ZFAT: variants seen among roughly 807,000 people sequenced by gnomAD.
ZFAT encodes the protein zinc finger protein ZFAT.
A neutral mutation model predicts 117.7 loss-of-function variants in ZFAT; 64 were observed. The observed-to-expected ratio is 0.54, with a 90% CI of 0.44 to 0.67. The LOEUF (loss-of-function observed/expected upper bound fraction) is 0.67. Among genes scored for constraint, ZFAT ranks in the 30% least tolerant of loss-of-function variants. The pLI, the probability that ZFAT is intolerant of heterozygous loss-of-function variation, is 0.00. For missense variants in ZFAT, 1,433 were observed against 1,584.5 expected (o/e 0.90, Z 1.62); for synonymous variants, 679 against 615.0 (o/e 1.10, Z -1.54).
intron 1 of ZFAT, among the ~76,000 whole-genome samples, chr8:134,671,184 G>A (rs1305330277): frequency 1.3e-5 from 2 of 152,216 alleles, no homozygotes; most frequent in Non-Finnish European, 2.9e-5. Context: ...ACAAGGAGGA[G>A]CTGGTACCAT....
At chr8:134,496,781 C>T (rs539885048) in intron 15 of ZFAT, among the ~76,000 whole-genome samples, 6 of 152,262 alleles carry the variant, frequency 3.9e-5, no homozygotes, top group South Asian at 4.2e-4. Flanking sequence ...AGAACTGTGA[C>T]GGGGTGAGGG....
At chr8:134,815,113 A>G in the ZFAT span, among the ~76,000 whole-genome samples, 1 of 152,222 alleles carries the variant, frequency 6.6e-6, no homozygotes, top group Non-Finnish European at 1.5e-5. Flanking sequence ...ATCCTTGTTA[A>G]TATTAACTTA....
rs376160947 is a variant in ZFAT, at chr8:134,561,028, T to C, written c.2976+4305A>G. Among the ~76,000 whole-genome samples, 423 of 152,382 alleles carry C rather than the reference T, an allele frequency of 2.8e-3. 3 individuals carry two copies. Among genetic ancestry groups the C allele is most frequent in the African/African-American group, 9.7e-3 (403 of 41,580 alleles). The stretch of plus-strand genomic sequence containing the variant: ...GAAGAGAAAATAACATCTTTACTAT[T>C]TGTGAATTCTCAGATGTTTGATGGG... On this transcript the variant is annotated intron_variant, in intron 11 of 15. Coordinates refer to ENST00000377838, the MANE Select transcript of ZFAT (RefSeq NM_020863.4).
intron 12 of ZFAT, among the ~76,000 whole-genome samples, chr8:134,528,213 T>C (rs907354023): frequency 6.6e-6 from 1 of 152,272 alleles, no homozygotes; most frequent in Admixed American, 6.5e-5. Flanking sequence ...ACTTGCTTGC[T>C]TGGTGTGACC....
chr8:134,781,739 T>C, the ZFAT span, among the ~76,000 whole-genome samples: 3 of 152,232 alleles, frequency 2.0e-5, no homozygotes, highest in East Asian at 5.8e-4. Flanking sequence ...CTGAGACAGC[T>C]AGATCAACCC....
chr8:134,714,768 G>A (rs186801544), upstream of ZFAT, among the ~76,000 whole-genome samples: 265 of 152,080 alleles, frequency 1.7e-3, no homozygotes, highest in Admixed American at 4.8e-3. Flanking sequence ...GCAAAATAGT[G>A]AAGAGCCAGG....
the ZFAT span, among the ~76,000 whole-genome samples, chr8:134,801,588 G>A: frequency 6.6e-6 from 1 of 151,922 alleles, no homozygotes; most frequent in Non-Finnish European, 1.5e-5. Context: ...ATACCTCCCC[G>A]CCACCCCACT....
chr8:134,618,251 C>T (rs1828880195), intron 3 of ZFAT, among the ~76,000 whole-genome samples: 2 of 152,134 alleles, frequency 1.3e-5, no homozygotes. Context: ...GAGAAGGACA[C>T]TTTGCGACAC....
chr8:134,769,706 C>T, the ZFAT span, among the ~76,000 whole-genome samples: 2 of 152,220 alleles, frequency 1.3e-5, no homozygotes, highest in African/African-American at 4.8e-5. Flanking sequence ...CTCTTCTGCA[C>T]TGCCCTAGCA....
intron 11 of ZFAT, among the ~76,000 whole-genome samples, chr8:134,534,149 T>C (rs1054282661): frequency 6.6e-6 from 1 of 152,230 alleles, no homozygotes; most frequent in African/African-American, 2.4e-5. Context: ...TTAGCATGGA[T>C]CTTTTCATCA....
At chr8:134,590,767 C>G (rs1826437788) in intron 7 of ZFAT, among the ~76,000 whole-genome samples, 2 of 144,822 alleles carry the variant, frequency 1.4e-5, no homozygotes, top group Non-Finnish European at 3.0e-5. Flanking sequence ...ACAGTCATCA[C>G]CACCACCACA....
intron 2 of ZFAT, among the ~76,000 whole-genome samples, chr8:134,654,024 CG>C (rs1831441863): frequency 6.6e-6 from 1 of 152,102 alleles, no homozygotes; most frequent in Non-Finnish European, 1.5e-5. Flanking sequence ...GGGCCAGGCA[CG>C]GGGGCTCATG....
At chr8:134,823,628 A>G in the ZFAT span, among the ~76,000 whole-genome samples, 4 of 152,194 alleles carry the variant, frequency 2.6e-5, no homozygotes, top group African/African-American at 9.7e-5. Context: ...GTTTCATTCT[A>G]CCTTTAGAGT....
At chr8:134,502,938 G>A (rs1819103787) in intron 15 of ZFAT, among the ~76,000 whole-genome samples, 1 of 152,216 alleles carries the variant, frequency 6.6e-6, no homozygotes, top group Non-Finnish European at 1.5e-5. Flanking sequence ...ACCAACAAAA[G>A]AGAGGGGCAA....
At chr8:134,564,147 A>G (rs1342406608) in intron 11 of ZFAT, among the ~76,000 whole-genome samples, 2 of 142,872 alleles carry the variant, frequency 1.4e-5, no homozygotes, top group Non-Finnish European at 3.0e-5. Context: ...AGAGGAGCAG[A>G]GGAGTGAGAC....
chr8:134,537,124 TG>T (rs1388123340), intron 11 of ZFAT, among the ~76,000 whole-genome samples: 1 of 152,262 alleles, frequency 6.6e-6, no homozygotes, highest in African/African-American at 2.4e-5. Flanking sequence ...TAGCTCTAAA[TG>T]TTTTGCATGG....
At chr8:134,628,110 C>A (rs1829645090) in intron 3 of ZFAT, among the ~76,000 whole-genome samples, 1 of 152,166 alleles carries the variant, frequency 6.6e-6, no homozygotes, top group African/African-American at 2.4e-5. Flanking sequence ...TGAAGACCAG[C>A]AGGAATCACT....
chr8:134,639,800 G>A lies in ZFAT; in HGVS notation c.197-2088C>T, dbSNP rs532570642. 4.6e-4 allele frequency: 208 copies of A among 456,278 alleles called. 1 individual carries two copies. The highest frequency in any genetic ancestry group is 1.9e-3 in the South Asian group (123 of 64,572). 28.3% of individuals were successfully genotyped at this position (456,278 alleles called of 1,614,324 possible). On this transcript the variant is annotated intron_variant, in intron 2 of 15. Transcript: ENST00000377838. ...CTCGTGTCATGTCAGCTGAGTTCCA[G>A]AAACAGGGTGCCTAAGAGTTTACTG... is the stretch of plus-strand genomic sequence containing the variant.
rs1816986552 is a variant in ZFAT at position 134,477,823 on chromosome 8, C to T, written c.*659G>A. 6.6e-6 allele frequency: 1 copy of T among 152,206 alleles called. No homozygotes were observed. Among genetic ancestry groups the T allele is most frequent in the South Asian group, 2.1e-4 (1 of 4,826 alleles). The allele number at this position is 152,206 out of a possible 1,614,324, so 9.4% of individuals were successfully genotyped here. Reference sequence around the variant, plus strand: ...AACTGTTTTTATTCCAACCACCTCACCTCCTTAGAATGGGAGGCGAACAGT... The same window carrying T: ...AACTGTTTTTATTCCAACCACCTCATCTCCTTAGAATGGGAGGCGAACAGT... On this transcript the variant is annotated 3_prime_UTR_variant, in exon 16 of 16. Coordinates refer to ENST00000377838, the MANE Select transcript of ZFAT (RefSeq NM_020863.4).
Sources: gnomAD v4.1 joint callset for allele counts (sites outside exome capture counted in the v4.1 genomes callset) on GRCh38, gnomAD v4.1.1 for gene constraint, MANE v1.5 for transcripts, NCBI Gene and HGNC (gene_info 2026-07-23, HGNC 2026-07-21) for gene names.